Variants in MGAM2 observed in about 807,000 individuals in gnomAD.
MGAM2 encodes the protein maltase-glucoamylase 2 (putative), also known as probable maltase-glucoamylase 2.
MGAM2 carries 98 observed loss-of-function variants against 96.1 expected under a neutral mutation model. The ratio of observed to expected loss-of-function variants is 1.02; its 90% CI spans 0.87 to 1.21. The LOEUF (loss-of-function observed/expected upper bound fraction) is 1.21. MGAM2 is among the 50% of genes most tolerant of loss of function. The probability of loss-of-function intolerance (pLI) is 0.00; values close to 1 mark genes in which losing one functional copy is unlikely to be tolerated. For missense variants in MGAM2, 2,055 were observed against 1,182.4 expected, an observed-to-expected ratio of 1.74 and a Z score of -10.82; for synonymous variants, 749 against 414.8, an observed-to-expected ratio of 1.81 and a Z score of -9.79.
chr7:142,149,154 G>T (rs528805244), intron 15 of MGAM2, among the ~76,000 whole-genome samples: 1 of 151,718 alleles, frequency 6.6e-6, no homozygotes, highest in Non-Finnish European at 1.5e-5. Context: ...GCTTGAACCC[G>T]GGAGACGGAG....
rs770839578 is a variant in MGAM2, at chr7:142,132,042, C to T, written c.532C>T (p.Pro178Ser). 4.3e-6 allele frequency: 3 copies of T among 702,972 alleles called. No individual in the cohort carries two copies. The African/African-American group carries it at 5.2e-5, about 12-fold the overall frequency. The allele number at this position is 702,972 out of a possible 1,614,324, so 43.5% of individuals were successfully genotyped here. The change falls in exon 6 of 48, where the codon CCT (proline) becomes TCT (serine). Residue 178 changes from proline (P) to serine (S), a missense_variant. Coordinates refer to ENST00000477922, the MANE Select transcript of MGAM2 (RefSeq NM_001293626.2). ...CTATTACGTGGAGGTTACTGATAAA[C>T]CTTTCAGCATCAAAATAATGAGGAC... ...LSYYVEVTDKPFSIKIMRTSN... is the reference protein window; with the variant it reads ...LSYYVEVTDKSFSIKIMRTSN...
chr7:142,158,365 ATTGCAC>A, intron 19 of MGAM2, 33 bp downstream of exon 19: 1 of 702,752 alleles, frequency 1.4e-6, no homozygotes, highest in Non-Finnish European at 2.6e-6. Context: ...GAAAGGGGGT[ATTGCAC>A]TTGTCCTCAT....
intron 45 of MGAM2, among the ~76,000 whole-genome samples, chr7:142,201,497 T>G (rs975031722): frequency 2.0e-5 from 3 of 152,224 alleles, no homozygotes; most frequent in African/African-American, 7.2e-5. Flanking sequence ...ACAAATAAAA[T>G]GTATCCATTT....
chr7:142,123,946 AG>A (rs1794659136), intron 3 of MGAM2, among the ~76,000 whole-genome samples: 1 of 148,776 alleles, frequency 6.7e-6, no homozygotes, highest in African/African-American at 2.5e-5. Flanking sequence ...ATATGGTATC[AG>A]GTAAGAGTCC....
chr7:142,170,713 T>A (rs919545182), intron 27 of MGAM2, among the ~76,000 whole-genome samples: 3 of 152,196 alleles, frequency 2.0e-5, no homozygotes, highest in African/African-American at 7.2e-5. Context: ...TCTCTTGTCC[T>A]GCTGCTGAAT....
chr7:142,184,480 A>G (rs1431880066), intron 33 of MGAM2, among the ~76,000 whole-genome samples: 1 of 152,214 alleles, frequency 6.6e-6, no homozygotes, highest in Non-Finnish European at 1.5e-5. Context: ...ACTATTTCTT[A>G]CTTAAATCTC....
At chr7:142,165,095 T>C (rs1795992950) in intron 24 of MGAM2, 72 bp downstream of exon 24, 3 of 592,096 alleles carry the variant, frequency 5.1e-6, no homozygotes, top group Middle Eastern at 2.6e-4. Context: ...TACTTTGCTC[T>C]TTTAACTGTG....
chr7:142,208,157 C>G (rs1320767563), intron 45 of MGAM2: 1 of 459,732 alleles, frequency 2.2e-6, no homozygotes, highest in African/African-American at 2.0e-5. Flanking sequence ...GGGATTTCAA[C>G]CCATGTCTAC....
intron 5 of MGAM2, 65 bp from the exon 6 acceptor site, chr7:142,131,866 T>C: frequency 1.6e-6 from 1 of 644,930 alleles, no homozygotes; most frequent in Non-Finnish European, 2.8e-6. Context: ...GGAACATCTT[T>C]TGTAGCTCTG....
chr7:142,143,634 G>GT, intron 12 of MGAM2, 135 bp from the exon 13 acceptor site: 1 of 446,924 alleles, frequency 2.2e-6, no homozygotes, highest in Non-Finnish European at 4.0e-6. Flanking sequence ...TTATTGTTTA[G>GT]TTTTTGTTGG....
chr7:142,136,912 C>T (rs990943188), intron 8 of MGAM2, among the ~76,000 whole-genome samples: 1 of 152,056 alleles, frequency 6.6e-6, no homozygotes, highest in Non-Finnish European at 1.5e-5. Flanking sequence ...CTGATAGACG[C>T]ATTCCAAAAA....
intron 45 of MGAM2, among the ~76,000 whole-genome samples, chr7:142,202,211 A>C (rs1264687773): frequency 6.6e-6 from 1 of 152,222 alleles, no homozygotes; most frequent in East Asian, 1.9e-4. Context: ...ACTAGAAAGA[A>C]GTACTGCTGT....
chr7:142,132,468 A>G (rs1400013126), intron 6 of MGAM2, among the ~76,000 whole-genome samples: 2 of 140,144 alleles, frequency 1.4e-5, no homozygotes, highest in Non-Finnish European at 3.0e-5. Flanking sequence ...TTTAAATTAT[A>G]AAATTATAAA....
At chr7:142,129,131 G>A (rs1459082408) in intron 3 of MGAM2, among the ~76,000 whole-genome samples, 1 of 152,204 alleles carries the variant, frequency 6.6e-6, no homozygotes, top group Non-Finnish European at 1.5e-5. Context: ...TTATTTCAGA[G>A]CTTTAGGATT....
intron 1 of MGAM2, among the ~76,000 whole-genome samples, chr7:142,116,398 C>T (rs1367339313): frequency 6.6e-6 from 1 of 152,150 alleles, no homozygotes; most frequent in African/African-American, 2.4e-5. Flanking sequence ...TAAACAGTCT[C>T]AACAGTGACT....
intron 14 of MGAM2, among the ~76,000 whole-genome samples, chr7:142,145,321 C>T (rs763270001): frequency 1.3e-5 from 2 of 152,140 alleles, no homozygotes; most frequent in Non-Finnish European, 2.9e-5. Flanking sequence ...CTGTAATCTT[C>T]TTAACTGTTT....
intron 45 of MGAM2, among the ~76,000 whole-genome samples, chr7:142,205,873 C>G (rs1585217146): frequency 6.6e-6 from 1 of 151,982 alleles, no homozygotes; most frequent in East Asian, 1.9e-4. Flanking sequence ...ATTACAAAGT[C>G]CCAAGTATTT....
chr7:142,172,412 T>A (rs1312781888), intron 29 of MGAM2, among the ~76,000 whole-genome samples: 1 of 143,498 alleles, frequency 7.0e-6, no homozygotes, highest in East Asian at 2.1e-4. Context: ...TACTCTGGCA[T>A]AGCCTATTTT....
intron 12 of MGAM2, 140 bp from the exon 13 acceptor site, chr7:142,143,629 G>A (rs576299822): frequency 6.7e-6 from 3 of 446,526 alleles, no homozygotes; most frequent in Non-Finnish European, 8.0e-6. Flanking sequence ...GCATTTTATT[G>A]TTTAGTTTTT....
Sources: gnomAD v4.1 joint callset for allele counts (sites outside exome capture counted in the v4.1 genomes callset) on GRCh38, gnomAD v4.1.1 for gene constraint, MANE v1.5 for transcripts, NCBI Gene and HGNC (gene_info 2026-07-23, HGNC 2026-07-21) for gene names.